Variants in SLC24A4 observed in about 807,000 individuals in gnomAD.
SLC24A4 encodes sodium/potassium/calcium exchanger 4.
In SLC24A4, 53 loss-of-function variants were observed where a neutral mutation model predicts 79.0. The observed-to-expected ratio is 0.67, with a 90% CI of 0.54 to 0.84. The LOEUF is 0.84. Ranked by LOEUF, SLC24A4 falls within the 40% of genes least tolerant of loss-of-function variation. SLC24A4 has a pLI of 0.00. For synonymous variants in SLC24A4, 323 were observed against 323.8 expected (o/e 1.00, Z 0.03); for missense variants, 731 against 822.0 (o/e 0.89, Z 1.35).
intron 14 of SLC24A4, among the ~76,000 whole-genome samples, chr14:92,487,343 G>A (rs751160168): frequency 1.4e-4 from 21 of 152,174 alleles, no homozygotes; most frequent in Admixed American, 2.6e-4. Flanking sequence ...TGCTAGCCAG[G>A]TAGCATCCCA....
intron 2 of SLC24A4, among the ~76,000 whole-genome samples, chr14:92,337,328 A>G (rs1395134621): frequency 6.6e-6 from 1 of 152,136 alleles, no homozygotes; most frequent in East Asian, 1.9e-4. Flanking sequence ...GAGGGCAAGG[A>G]CTATGTCCTC....
intron 2 of SLC24A4, among the ~76,000 whole-genome samples, chr14:92,410,218 G>A (rs933659351): frequency 1.3e-5 from 2 of 152,172 alleles, no homozygotes; most frequent in African/African-American, 4.8e-5. Context: ...GTCTCACTCT[G>A]TCACCCAGGC....
intron 2 of SLC24A4, among the ~76,000 whole-genome samples, chr14:92,419,030 G>A (rs993668515): frequency 6.6e-6 from 1 of 152,144 alleles, no homozygotes; most frequent in Non-Finnish European, 1.5e-5. Flanking sequence ...GCCTTCAACT[G>A]ATTGGGGTGG....
chr14:92,342,092 C>T (rs1004423527), intron 2 of SLC24A4, among the ~76,000 whole-genome samples: 1 of 152,042 alleles, frequency 6.6e-6, no homozygotes, highest in African/African-American at 2.4e-5. Flanking sequence ...ATGTTGCTGC[C>T]TCTTCCACAG....
At chr14:92,395,087 A>G (rs1271180523) in intron 2 of SLC24A4, among the ~76,000 whole-genome samples, 1 of 152,190 alleles carries the variant, frequency 6.6e-6, no homozygotes, top group South Asian at 2.1e-4. Context: ...CTGGACGGAT[A>G]AGGGACTTGG....
intron 12 of SLC24A4, among the ~76,000 whole-genome samples, chr14:92,479,570 G>A (rs77367049): frequency 0.014 from 2,100 of 152,294 alleles, 63 homozygotes; most frequent in African/African-American, 0.049. Flanking sequence ...TGGTGGTGGT[G>A]TATAATCCTA....
intron 2 of SLC24A4, chr14:92,408,413 G>T (rs897215684): frequency 3.5e-5 from 34 of 985,264 alleles, no homozygotes; most frequent in African/African-American, 5.2e-5. Flanking sequence ...TGCAGCTAAA[G>T]CTCTCCTATC....
intron 2 of SLC24A4, among the ~76,000 whole-genome samples, chr14:92,405,197 G>A (rs555799600): frequency 1.3e-5 from 2 of 152,316 alleles, no homozygotes; most frequent in South Asian, 4.1e-4. Context: ...TGTCCCAGGA[G>A]TGGTGTCTGC....
chr14:92,404,970 A>T (rs4243695), intron 2 of SLC24A4, among the ~76,000 whole-genome samples: 48,045 of 152,118 alleles, frequency 0.32, 7,824 homozygotes, highest in Non-Finnish European at 0.35. Flanking sequence ...CATTTAAATG[A>T]AAATAAAAAA....
At chr14:92,445,247 G>A in intron 7 of SLC24A4, 70 bp from the exon 8 acceptor site, 1 of 1,579,056 alleles carries the variant, frequency 6.3e-7, no homozygotes, top group Non-Finnish European at 8.7e-7. Context: ...GTGCCTGGGT[G>A]TCCGTGCTTG....
intron 2 of SLC24A4, among the ~76,000 whole-genome samples, chr14:92,418,460 C>T (rs953074117): frequency 5.3e-5 from 8 of 152,200 alleles, no homozygotes; most frequent in Non-Finnish European, 8.8e-5. Flanking sequence ...GAGGTGCACA[C>T]ATACACAAAC....
chr14:92,409,831 A>C (rs761044938), intron 2 of SLC24A4, among the ~76,000 whole-genome samples: 16 of 152,228 alleles, frequency 1.1e-4, no homozygotes, highest in Admixed American at 5.9e-4. Flanking sequence ...TGTGGAACAC[A>C]TACACCATGG....
At chr14:92,427,445 T>C (rs921897700) in intron 2 of SLC24A4, among the ~76,000 whole-genome samples, 2 of 152,244 alleles carry the variant, frequency 1.3e-5, no homozygotes, top group Non-Finnish European at 2.9e-5. Context: ...ATGCAGTCTT[T>C]GGCATTTATC....
chr14:92,377,456 G>A (rs1423185076), intron 2 of SLC24A4, among the ~76,000 whole-genome samples: 1 of 152,202 alleles, frequency 6.6e-6, no homozygotes, highest in Non-Finnish European at 1.5e-5. Flanking sequence ...CTAAGGAGAT[G>A]ACACCTGAGC....
At chr14:92,328,685 A>G (rs551341634) in intron 2 of SLC24A4, among the ~76,000 whole-genome samples, 1 of 152,358 alleles carries the variant, frequency 6.6e-6, no homozygotes, top group African/African-American at 2.4e-5. Flanking sequence ...AGACTCAAAT[A>G]TGCTGAGGCT....
chr14:92,485,844 C>T (rs1015862445), intron 13 of SLC24A4, among the ~76,000 whole-genome samples: 3 of 152,164 alleles, frequency 2.0e-5, no homozygotes, highest in African/African-American at 7.2e-5. Flanking sequence ...TAAACCCCAC[C>T]CTTGTTTCTT....
intron 2 of SLC24A4, among the ~76,000 whole-genome samples, chr14:92,412,810 A>G (rs1388168323): frequency 6.6e-6 from 1 of 152,124 alleles, no homozygotes; most frequent in African/African-American, 2.4e-5. Flanking sequence ...AGTAAGGGCC[A>G]ATCAACTACA....
intron 2 of SLC24A4, among the ~76,000 whole-genome samples, chr14:92,419,434 T>C (rs1161365059): frequency 6.6e-6 from 1 of 152,244 alleles, no homozygotes; most frequent in Non-Finnish European, 1.5e-5. Context: ...CTCATTGAAC[T>C]TGAGGCTGTC....
chr14:92,404,549 C>T (rs1890275255), intron 2 of SLC24A4, among the ~76,000 whole-genome samples: 1 of 152,168 alleles, frequency 6.6e-6, no homozygotes, highest in Non-Finnish European at 1.5e-5. Flanking sequence ...GCATGTCAGC[C>T]CTGGCTGTTC....
Sources: allele counts gnomAD v4.1 joint callset (sites outside exome capture counted in the v4.1 genomes callset), GRCh38; gene constraint gnomAD v4.1.1; transcripts MANE v1.5; gene names NCBI Gene and HGNC (gene_info 2026-07-23, HGNC 2026-07-21).